The following TLK2 variants were observed in gnomAD, a reference collection of about 807,000 sequenced individuals.
TLK2 encodes serine/threonine-protein kinase tousled-like 2.
Under a neutral mutation model 117.3 loss-of-function variants are expected in TLK2, and 6 were observed. The observed-to-expected ratio is 0.05, with a 90% CI of 0.03 to 0.10. TLK2 has a LOEUF of 0.10. TLK2 is among the 10% of genes least tolerant of loss of function. TLK2 has a pLI of 1.00. For missense variants in TLK2, 299 were observed against 901.2 expected, an observed-to-expected ratio of 0.33 and a Z score of 8.56; for synonymous variants, 257 against 316.7, an observed-to-expected ratio of 0.81 and a Z score of 2.00.
In TLK2 at chr17:62,570,660, G is replaced by A. The variant is rs1222517101; in HGVS notation, c.969-2555G>A. 1.3e-5 allele frequency among the ~76,000 whole-genome samples: 2 copies of A among 152,036 alleles called. 1 individual carries two copies. Among genetic ancestry groups the A allele is most frequent in the South Asian group, 4.1e-4 (2 of 4,820 alleles). ...CTTAAAATACGTAACATTGATCTTT[G>A]GTGCATCAGCTTTCATGTTCAAACT... On this transcript the variant is annotated intron_variant, in intron 11 of 21. Transcript: ENST00000346027.
intron 3 of TLK2, 34 bp downstream of exon 3, chr17:62,520,878 A>G: frequency 6.2e-7 from 1 of 1,609,032 alleles, no homozygotes; most frequent in East Asian, 2.2e-5. Context: ...GACTTTTCAT[A>G]CTTGTACGTT....
intron 7 of TLK2, among the ~76,000 whole-genome samples, chr17:62,546,360 T>TTTTTTTTTTTTTA (rs1555628571): frequency 2.0e-5 from 2 of 98,862 alleles, no homozygotes; most frequent in African/African-American, 7.0e-5. Flanking sequence ...TTTTTTTTTT[T>TTTTTTTTTTTTTA]ACATAATGAA....
intron 11 of TLK2, among the ~76,000 whole-genome samples, chr17:62,568,056 A>G (rs1431096208): frequency 6.6e-6 from 1 of 152,172 alleles, no homozygotes; most frequent in East Asian, 1.9e-4. Context: ...CTTTTTGTTT[A>G]AAGAAGTCTC....
chr17:62,574,526 T>G lies in TLK2; in HGVS notation c.1121+1159T>G, dbSNP rs551645742. On this transcript the variant is annotated intron_variant, in intron 12 of 21. Transcript: ENST00000346027. ...AACTCCAAATTTTGTTGTTGTTGTT[T>G]TTTTTTTTTGAGACGAAGTCTCACT... 1.7e-4 allele frequency: 109 copies of G among 652,090 alleles called. 1 individual carries two copies. Among genetic ancestry groups the G allele is most frequent in the South Asian group, 1.3e-3 (75 of 56,898 alleles). The allele number at this position is 652,090 out of a possible 1,614,324, so 40.4% of individuals were successfully genotyped here.
intron 15 of TLK2, among the ~76,000 whole-genome samples, chr17:62,584,521 A>G (rs2081471049): frequency 6.6e-6 from 1 of 152,192 alleles, no homozygotes; most frequent in South Asian, 2.1e-4. Flanking sequence ...GAAGTTCAAA[A>G]GTTTCCATTT....
intron 7 of TLK2, among the ~76,000 whole-genome samples, chr17:62,546,841 T>C (rs2077987289): frequency 6.6e-6 from 1 of 152,158 alleles, no homozygotes; most frequent in South Asian, 2.1e-4. Context: ...ATTACAGGCA[T>C]GAGACACCGC....
intron 6 of TLK2, among the ~76,000 whole-genome samples, chr17:62,524,632 G>A (rs1235075010): frequency 6.6e-6 from 1 of 152,082 alleles, no homozygotes; most frequent in East Asian, 1.9e-4. Context: ...TGCCAAATTT[G>A]TATGTTCCTT....
At chr17:62,511,756 T>C (rs2075161757) in intron 2 of TLK2, among the ~76,000 whole-genome samples, 1 of 152,226 alleles carries the variant, frequency 6.6e-6, no homozygotes, top group Admixed American at 6.5e-5. Context: ...CCATTCCTTT[T>C]TATTGCTGTG....
intron 2 of TLK2, among the ~76,000 whole-genome samples, chr17:62,496,358 T>G (rs2073684089): frequency 6.6e-6 from 1 of 152,218 alleles, no homozygotes. Flanking sequence ...ATATAAATAG[T>G]GCTATAGTGA....
chr17:62,543,120 G>A (rs2077657211), intron 7 of TLK2, among the ~76,000 whole-genome samples: 1 of 152,022 alleles, frequency 6.6e-6, no homozygotes, highest in Admixed American at 6.6e-5. Flanking sequence ...TTTTAAAGTA[G>A]GGAGTTGTTT....
At chr17:62,596,762 G>A in intron 17 of TLK2, 88 bp downstream of exon 17, 1 of 1,120,304 alleles carries the variant, frequency 8.9e-7, no homozygotes, top group Non-Finnish European at 1.3e-6. Flanking sequence ...TCTGGGTCCA[G>A]GACATACCCT....
intron 11 of TLK2, among the ~76,000 whole-genome samples, chr17:62,570,430 G>A (rs2080187778): frequency 6.6e-6 from 1 of 152,174 alleles, no homozygotes; most frequent in Non-Finnish European, 1.5e-5. Flanking sequence ...GATCAACTCT[G>A]TGAAAGGCAC....
At chr17:62,546,856 G>A (rs1473319792) in intron 7 of TLK2, among the ~76,000 whole-genome samples, 1 of 151,776 alleles carries the variant, frequency 6.6e-6, no homozygotes, top group Non-Finnish European at 1.5e-5. Context: ...CACCGCACCC[G>A]GCCTCTTCTG....
chr17:62,549,591 G>C (rs543783901), intron 7 of TLK2: 18 of 151,562 alleles, frequency 1.2e-4, no homozygotes, highest in African/African-American at 4.4e-4. Context: ...TGGATTTGCT[G>C]CATCCTAGAG....
At chr17:62,590,114 T>C (rs1216764389) in intron 16 of TLK2, among the ~76,000 whole-genome samples, 11 of 144,950 alleles carry the variant, frequency 7.6e-5, no homozygotes, top group African/African-American at 2.8e-4. Flanking sequence ...GCCTTTAACC[T>C]TGAAAAAAAA....
At chr17:62,600,929 A>G (rs2082827937) in intron 18 of TLK2, 109 bp downstream of exon 18, 2 of 1,153,730 alleles carry the variant, frequency 1.7e-6, no homozygotes, top group Admixed American at 2.8e-5. Flanking sequence ...AAGGCTAATA[A>G]CATCTGACTT....
At chr17:62,509,831 G>A (rs2075004327) in intron 2 of TLK2, among the ~76,000 whole-genome samples, 2 of 152,312 alleles carry the variant, frequency 1.3e-5, no homozygotes, top group African/African-American at 4.8e-5. Context: ...ACTTTGTGAG[G>A]ATGTAGGATT....
intron 3 of TLK2, among the ~76,000 whole-genome samples, chr17:62,521,831 T>C (rs1265565919): frequency 6.6e-6 from 1 of 151,756 alleles, no homozygotes. Flanking sequence ...TCTCTCCTTT[T>C]TGGAAAAAAG....
intron 1 of TLK2, among the ~76,000 whole-genome samples, chr17:62,472,970 C>T (rs1567745522): frequency 6.6e-6 from 1 of 152,134 alleles, no homozygotes; most frequent in Non-Finnish European, 1.5e-5. Flanking sequence ...ACCCCAAATT[C>T]ACACACCACA....
Sources: allele counts gnomAD v4.1 joint callset (sites outside exome capture counted in the v4.1 genomes callset), GRCh38; gene constraint gnomAD v4.1.1; transcripts MANE v1.5; gene names NCBI Gene and HGNC (gene_info 2026-07-23, HGNC 2026-07-21).